The following HSD17B3 variants were observed in gnomAD, a reference collection of about 807,000 sequenced individuals.
The protein encoded by HSD17B3 is hydroxysteroid 17-beta dehydrogenase 3, also known as 17-beta-hydroxysteroid dehydrogenase type 3.
HSD17B3 carries 29 observed loss-of-function variants against 41.1 expected under a neutral mutation model. The observed-to-expected ratio is 0.71, with a 90% CI of 0.53 to 0.96. The LOEUF is 0.96. Among genes scored for constraint, HSD17B3 ranks in the 40% least tolerant of loss-of-function variants. The pLI is 0.00. For synonymous variants in HSD17B3, 126 were observed against 145.6 expected (o/e 0.87, Z 0.97); for missense variants, 323 against 374.6 (o/e 0.86, Z 1.14).
At chr9:96,276,972 T>C (rs2987357) in intron 2 of HSD17B3, among the ~76,000 whole-genome samples, 139,082 of 152,152 alleles carry the variant, frequency 0.91, 63,711 homozygotes, top group African/African-American at 0.96. Context: ...GAGGCTGAGG[T>C]GGGTGAGTCA....
At chr9:96,277,865 AC>A (rs1360761358) in intron 2 of HSD17B3, among the ~76,000 whole-genome samples, 45 of 146,666 alleles carry the variant, frequency 3.1e-4, no homozygotes, top group Non-Finnish European at 6.4e-4. Context: ...ACACACACAC[AC>A]ACACAATGGA....
At chr9:96,253,834 T>C (rs1825523619) in intron 3 of HSD17B3, among the ~76,000 whole-genome samples, 1 of 152,180 alleles carries the variant, frequency 6.6e-6, no homozygotes, top group Non-Finnish European at 1.5e-5. Flanking sequence ...CACTGAAGAA[T>C]GTCTCGGTCC....
intron 2 of HSD17B3, among the ~76,000 whole-genome samples, chr9:96,257,719 T>A (rs1457595043): frequency 4.6e-5 from 7 of 152,254 alleles, no homozygotes. Context: ...ATTACCACTC[T>A]TGCTACAGTG....
At chr9:96,243,906 G>A (rs929379664) in intron 9 of HSD17B3, among the ~76,000 whole-genome samples, 13 of 152,088 alleles carry the variant, frequency 8.5e-5, no homozygotes, top group East Asian at 1.9e-4. Context: ...ATTCAAACTC[G>A]GATCAAGTGC....
chr9:96,302,065 G>A lies in HSD17B3; in HGVS notation c.40C>T (p.Leu14=). ...GCCAGGCAGGCCAGGCACACCAGCA[G>A]CCCTGTGAGGATGAAGAACTGTTCC... ...VLEQFFILTG[L]LVCLACLAKC... The change falls in exon 1 of 11, where the codon CTG becomes TTG. Residue 14 remains leucine (L), a synonymous_variant. Coordinates refer to ENST00000375263, the MANE Select transcript of HSD17B3 (RefSeq NM_000197.2). 6.2e-7 allele frequency: 1 copy of A among 1,614,122 alleles called. No individual in the cohort carries two copies. The highest frequency in any genetic ancestry group is 8.5e-7 in the Non-Finnish European group (1 of 1,180,022).
chr9:96,265,020 T>C (rs1347336473), intron 2 of HSD17B3, among the ~76,000 whole-genome samples: 1 of 152,178 alleles, frequency 6.6e-6, no homozygotes, highest in Admixed American at 6.5e-5. Flanking sequence ...AAAATTAATA[T>C]CACCCTAGAA....
chr9:96,240,572 G>A lies in HSD17B3; in HGVS notation c.822+186C>T, dbSNP rs8190557. ...GCCAAGAATGAGACTTGCCAACTTC[G>A]GGGTTATCTAGTGGCTGAGCTCCCA... On this transcript the variant is annotated intron_variant, in intron 10 of 10. Transcript: ENST00000375263. Among the ~76,000 whole-genome samples the A allele has an allele frequency of 0.13, 20,040 of 152,032 alleles. 1,984 individuals carry two copies. The highest frequency in any genetic ancestry group is 0.27 in the African/African-American group (11,016 of 41,448).
intron 2 of HSD17B3, among the ~76,000 whole-genome samples, chr9:96,265,710 A>G (rs1826023910): frequency 6.6e-6 from 1 of 152,244 alleles, no homozygotes; most frequent in African/African-American, 2.4e-5. Context: ...TACTAGAAAT[A>G]AAAACGAGTT....
chr9:96,277,843 ACACAC>A (rs1564052716), intron 2 of HSD17B3, among the ~76,000 whole-genome samples: 2 of 109,362 alleles, frequency 1.8e-5, no homozygotes, highest in Admixed American at 1.6e-4. Context: ...TGGCACACAC[ACACAC>A]ACACACACAC....
In HSD17B3 at chr9:96,246,008, G is replaced by T. The variant is rs374689498; in HGVS notation, c.524+548C>A. Among the ~76,000 whole-genome samples, 5 of 152,176 alleles carry T rather than the reference G, an allele frequency of 3.3e-5. No homozygotes were observed. In the East Asian group the frequency reaches 7.7e-4, roughly 23 times the overall value. Reference sequence around the variant, plus strand: ...ATGGAGGGGCAGGGGACAAGAAACTGCAAATTAGAATCCAAGGCCAAGCCC... The same window carrying T: ...ATGGAGGGGCAGGGGACAAGAAACTTCAAATTAGAATCCAAGGCCAAGCCC... On this transcript the variant is annotated intron_variant, in intron 7 of 10. Coordinates refer to ENST00000375263, the MANE Select transcript of HSD17B3 (RefSeq NM_000197.2).
intron 5 of HSD17B3, chr9:96,251,148 C>T: frequency 1.9e-6 from 1 of 531,212 alleles, no homozygotes. Flanking sequence ...TAGAGTGCAG[C>T]ACCCCAGAAG....
At chr9:96,244,865 G>A (rs552508775) in intron 8 of HSD17B3, among the ~76,000 whole-genome samples, 22 of 152,174 alleles carry the variant, frequency 1.4e-4, no homozygotes, top group Admixed American at 1.2e-3. Context: ...TGCCTTGATG[G>A]GAGTTAGCAC....
intron 9 of HSD17B3, 117 bp from the exon 10 acceptor site, chr9:96,241,024 G>C (rs560422474): frequency 1.6e-6 from 2 of 1,251,900 alleles, no homozygotes; most frequent in African/African-American, 1.5e-5. Context: ...CCTAGGCAAA[G>C]TTTTAAGATC....
intron 2 of HSD17B3, among the ~76,000 whole-genome samples, chr9:96,295,319 G>C (rs1334213636): frequency 6.7e-6 from 1 of 148,706 alleles, no homozygotes; most frequent in Admixed American, 6.7e-5. Context: ...GGAGTTTTTT[G>C]GTTTGTTTTT....
At chr9:96,276,565 C>T (rs765428919) in intron 2 of HSD17B3, among the ~76,000 whole-genome samples, 37 of 152,076 alleles carry the variant, frequency 2.4e-4, no homozygotes, top group Non-Finnish European at 4.0e-4. Context: ...GACATATAAA[C>T]CAATGGAACA....
rs115276972 is a variant in HSD17B3, at chr9:96,290,029, T to C, written c.201+8387A>G. ...ATGCCAGGAAAAACAGGGCTTCCTC[T>C]GTGTGGCCAAGAATAAAAGAAAGGG... is the stretch of plus-strand genomic sequence containing the variant. On this transcript the variant is annotated intron_variant, in intron 2 of 10. Transcript: ENST00000375263. 3.3e-3 allele frequency among the ~76,000 whole-genome samples: 501 copies of C among 152,244 alleles called. 4 individuals carry two copies. The highest frequency in any genetic ancestry group is 0.012 in the African/African-American group (484 of 41,536).
At chr9:96,295,344 T>A (rs1285056328) in intron 2 of HSD17B3, among the ~76,000 whole-genome samples, 3 of 145,538 alleles carry the variant, frequency 2.1e-5, no homozygotes, top group African/African-American at 8.3e-5. Flanking sequence ...TTGTTTTTGT[T>A]TTTGTTTCAG....
intron 9 of HSD17B3, among the ~76,000 whole-genome samples, chr9:96,242,661 C>G (rs1178304114): frequency 6.6e-6 from 1 of 152,178 alleles, no homozygotes; most frequent in African/African-American, 2.4e-5. Context: ...GCTAGAAGAG[C>G]ACCTCCAAGT....
intron 2 of HSD17B3, among the ~76,000 whole-genome samples, chr9:96,296,878 T>C (rs1041197270): frequency 5.3e-5 from 8 of 152,086 alleles, no homozygotes; most frequent in Admixed American, 4.6e-4. Flanking sequence ...TGAAACCCTG[T>C]CTCTACAAAA....
Sources: gnomAD v4.1 joint callset for allele counts (sites outside exome capture counted in the v4.1 genomes callset) on GRCh38, gnomAD v4.1.1 for gene constraint, MANE v1.5 for transcripts, NCBI Gene and HGNC (gene_info 2026-07-23, HGNC 2026-07-21) for gene names.